Variants in PITPNC1 observed in about 807,000 individuals in gnomAD.
The protein encoded by PITPNC1 is phosphatidylinositol transfer protein cytoplasmic 1.
Under a neutral mutation model 44.7 loss-of-function variants are expected in PITPNC1, and 18 were observed. The observed-to-expected ratio is 0.40, with a 90% CI of 0.28 to 0.60. The LOEUF is 0.60. Ranked by LOEUF, PITPNC1 falls within the 20% of genes least tolerant of loss-of-function variation. The probability of loss-of-function intolerance (pLI) is 0.39; values close to 1 mark genes in which losing one functional copy is unlikely to be tolerated. For missense variants in PITPNC1, 290 were observed against 418.4 expected (o/e 0.69, Z 2.68); for synonymous variants, 141 against 149.6 (o/e 0.94, Z 0.42).
chr17:67,515,056 G>A (rs967708392), intron 1 of PITPNC1, among the ~76,000 whole-genome samples: 10 of 152,226 alleles, frequency 6.6e-5, no homozygotes, highest in Admixed American at 2.0e-4. Flanking sequence ...CCATCTAACC[G>A]GGCATCCTAC....
chr17:67,667,948 C>T (rs1207062856), intron 6 of PITPNC1, among the ~76,000 whole-genome samples: 3 of 152,100 alleles, frequency 2.0e-5, no homozygotes, highest in Non-Finnish European at 4.4e-5. Context: ...CCACTGCACT[C>T]CAGCCTGGGT....
intron 5 of PITPNC1, among the ~76,000 whole-genome samples, chr17:67,587,420 G>A (rs2041334623): frequency 6.6e-6 from 1 of 152,252 alleles, no homozygotes; most frequent in South Asian, 2.1e-4. Context: ...CTTGAGCCCA[G>A]GCAGTCAAGG....
At position 67,695,692 on chromosome 17, in the gene PITPNC1, TTAAA is replaced by T. The variant is rs1019012288; in HGVS notation, c.*2812_*2815del. On this transcript the variant is annotated 3_prime_UTR_variant, in exon 9 of 9. Coordinates refer to ENST00000581322, the MANE Select transcript of PITPNC1 (RefSeq NM_012417.4). ...AGTTTTAAGTCTCTGGTAGCCAAAC[TTAAA>T]TAAATAATCCATAGAATATCACATA... 2.0e-5 allele frequency: 3 copies of T among 151,260 alleles called. No individual in the cohort carries two copies. The highest frequency in any genetic ancestry group is 6.6e-5 in the Admixed American group (1 of 15,132). The allele number at this position is 151,260 out of a possible 1,614,324, so 9.4% of individuals were successfully genotyped here.
At chr17:67,689,064 TG>T (rs1316531568) in intron 8 of PITPNC1, among the ~76,000 whole-genome samples, 1 of 152,100 alleles carries the variant, frequency 6.6e-6, no homozygotes, top group Non-Finnish European at 1.5e-5. Flanking sequence ...TAGCTGGGCG[TG>T]GTGGCGCATG....
At chr17:67,513,866 AC>A (rs1168656971) in intron 1 of PITPNC1, among the ~76,000 whole-genome samples, 1 of 151,522 alleles carries the variant, frequency 6.6e-6, no homozygotes, top group Non-Finnish European at 1.5e-5. Context: ...TGGTGTAGAT[AC>A]CATTTGTAAT....
intron 5 of PITPNC1, among the ~76,000 whole-genome samples, chr17:67,586,441 AAAAAT>A (rs2041317920): frequency 6.6e-6 from 1 of 151,506 alleles, no homozygotes; most frequent in South Asian, 2.1e-4. Context: ...AAAAAAAAAA[AAAAAT>A]TAGCTGGGCG....
intron 6 of PITPNC1, chr17:67,638,997 C>CCTA (rs2042064537): frequency 6.6e-6 from 1 of 152,040 alleles, no homozygotes; most frequent in Admixed American, 6.6e-5. Context: ...GTAGCATGTG[C>CCTA]CTATAGTCCT....
In PITPNC1 at chr17:67,595,844, A is replaced by C. The variant is rs8079449; in HGVS notation, c.366+17587A>C. 4.6e-3 allele frequency among the ~76,000 whole-genome samples: 697 copies of C among 152,282 alleles called. 4 individuals carry two copies. Among genetic ancestry groups the C allele is most frequent in the African/African-American group, 0.016 (667 of 41,564 alleles). On this transcript the variant is annotated intron_variant, in intron 5 of 8. Coordinates refer to ENST00000581322, the MANE Select transcript of PITPNC1 (RefSeq NM_012417.4). Reference sequence around the variant, plus strand: ...ATGGAGCTTCATCTGAAAATGTTTCATCTTGTTCCCAGTCCTGTAAAGACA... The same window carrying C: ...ATGGAGCTTCATCTGAAAATGTTTCCTCTTGTTCCCAGTCCTGTAAAGACA...
chr17:67,677,157 T>C (rs2042618119), intron 8 of PITPNC1, among the ~76,000 whole-genome samples: 1 of 152,140 alleles, frequency 6.6e-6, no homozygotes. Flanking sequence ...CAAGAAAGGA[T>C]AAGAACTTCT....
At chr17:67,548,643 T>C (rs995794438) in intron 2 of PITPNC1, among the ~76,000 whole-genome samples, 2 of 152,096 alleles carry the variant, frequency 1.3e-5, no homozygotes, top group Non-Finnish European at 2.9e-5. Flanking sequence ...AGTCTGTCTT[T>C]GGGAGGCATT....
intron 1 of PITPNC1, among the ~76,000 whole-genome samples, chr17:67,447,172 G>C (rs774905681): frequency 4.0e-5 from 6 of 149,858 alleles, no homozygotes; most frequent in Non-Finnish European, 8.9e-5. Flanking sequence ...CTAAGGAATC[G>C]GAGAGTGGCC....
At chr17:67,450,319 GC>G (rs1384335935) in intron 1 of PITPNC1, among the ~76,000 whole-genome samples, 1 of 151,936 alleles carries the variant, frequency 6.6e-6, no homozygotes, top group East Asian at 1.9e-4. Flanking sequence ...CTGAAAGTGA[GC>G]CCACAGGCAA....
chr17:67,626,306 A>C (rs2041894941), intron 5 of PITPNC1, among the ~76,000 whole-genome samples: 1 of 152,112 alleles, frequency 6.6e-6, no homozygotes. Context: ...TTTAATTTAC[A>C]AACAAGGACA....
At position 67,445,533 on chromosome 17, in the gene PITPNC1, G is replaced by A. The variant is rs377710427; in HGVS notation, c.48+67331G>A. Among the ~76,000 whole-genome samples the A allele has an allele frequency of 3.9e-4, 58 of 148,196 alleles. No homozygotes were observed. The South Asian group carries it at 0.011, about 28-fold the overall frequency. On this transcript the variant is annotated intron_variant, in intron 1 of 8. Coordinates refer to ENST00000581322, the MANE Select transcript of PITPNC1 (RefSeq NM_012417.4). ...GAGCGCTTTAGTTCTGTCTCTCAAT[G>A]TACTTTCCTTGTTAACTAATTTCTC... is the stretch of plus-strand genomic sequence containing the variant.
intron 1 of PITPNC1, chr17:67,378,928 G>GCTGC: frequency 1.0e-6 from 1 of 978,086 alleles, no homozygotes; most frequent in Non-Finnish European, 1.2e-6. Context: ...CGGGGCCGCG[G>GCTGC]CTGCCGGCTG....
At chr17:67,670,197 G>C (rs2042490092) in intron 7 of PITPNC1, among the ~76,000 whole-genome samples, 1 of 152,114 alleles carries the variant, frequency 6.6e-6, no homozygotes, top group Non-Finnish European at 1.5e-5. Context: ...CTCTCATTCT[G>C]TGACCTCCAT....
chr17:67,520,739 C>T (rs558220521), intron 1 of PITPNC1, among the ~76,000 whole-genome samples: 2 of 152,320 alleles, frequency 1.3e-5, no homozygotes, highest in South Asian at 4.2e-4. Flanking sequence ...CTAGAGCCAA[C>T]TGCCCTTGTG....
At chr17:67,470,044 T>TC (rs2039495136) in intron 1 of PITPNC1, among the ~76,000 whole-genome samples, 1 of 152,062 alleles carries the variant, frequency 6.6e-6, no homozygotes. Context: ...TGCCTCAGCC[T>TC]CCCAAGTAGC....
intron 5 of PITPNC1, among the ~76,000 whole-genome samples, chr17:67,606,694 C>T (rs1002986210): frequency 6.6e-6 from 1 of 151,846 alleles, no homozygotes; most frequent in African/African-American, 2.4e-5. Context: ...ATAGCAGTGG[C>T]GTGAAGCCAG....
Sources: allele counts gnomAD v4.1 joint callset (sites outside exome capture counted in the v4.1 genomes callset), GRCh38; gene constraint gnomAD v4.1.1; transcripts MANE v1.5; gene names NCBI Gene and HGNC (gene_info 2026-07-23, HGNC 2026-07-21).